YWHAB: variants seen among roughly 807,000 people sequenced by gnomAD.
The protein encoded by YWHAB is 14-3-3 protein beta/alpha.
Under a neutral mutation model 28.5 loss-of-function variants are expected in YWHAB, and 2 were observed. That is an observed-to-expected ratio of 0.07 (90% confidence interval 0.03 to 0.22). The LOEUF (loss-of-function observed/expected upper bound fraction) is 0.22. YWHAB is among the 10% of genes least tolerant of loss of function. The probability of loss-of-function intolerance (pLI) is 1.00; values close to 1 mark genes in which losing one functional copy is unlikely to be tolerated. For missense variants in YWHAB, 148 were observed against 297.1 expected (o/e 0.50, Z 3.69); for synonymous variants, 103 against 104.7 (o/e 0.98, Z 0.10).
chr20:44,892,431 T>A (rs903092106), intron 1 of YWHAB, among the ~76,000 whole-genome samples: 2 of 152,128 alleles, frequency 1.3e-5, no homozygotes, highest in South Asian at 2.1e-4. Flanking sequence ...TTTTTTTTTT[T>A]AATTGATGTG....
At chr20:44,887,171 G>A (rs2066533550) in intron 1 of YWHAB, 1 of 152,210 alleles carries the variant, frequency 6.6e-6, no homozygotes, top group African/African-American at 2.4e-5. Flanking sequence ...CTTACTTAGG[G>A]ATATCTCATT....
chr20:44,901,575 C>T lies in YWHAB; in HGVS notation c.42C>T (p.Leu14=), dbSNP rs148717452. 6.1e-4 allele frequency: 979 copies of T among 1,608,702 alleles called. 6 individuals carry two copies. The African/African-American group carries it at 0.011, about 18-fold the overall frequency. ...GTGAGCTGGTACAGAAAGCCAAACT[C>T]GCTGAGCAGGCTGAGCGATATGATG... is the stretch of plus-strand genomic sequence containing the variant. ...DKSELVQKAK[L]AEQAERYDDM... is the part of the protein sequence containing the mutation. The change falls in exon 2 of 6, where the codon CTC becomes CTT. Residue 14 remains leucine (L), a synonymous_variant. Transcript: ENST00000353703.
chr20:44,905,670 A>G (rs1343894677), intron 4 of YWHAB: 1 of 189,862 alleles, frequency 5.3e-6, no homozygotes, highest in Non-Finnish European at 1.1e-5. Context: ...TAAATAAATA[A>G]TTTTAAATAG....
intron 1 of YWHAB, among the ~76,000 whole-genome samples, chr20:44,897,914 A>G (rs892288976): frequency 2.0e-5 from 3 of 152,146 alleles, no homozygotes; most frequent in Non-Finnish European, 2.9e-5. Context: ...CTTGCACTAT[A>G]CAGTCACCCG....
chr20:44,889,446 A>G (rs2066547381), intron 1 of YWHAB, among the ~76,000 whole-genome samples: 1 of 150,064 alleles, frequency 6.7e-6, no homozygotes, highest in South Asian at 2.1e-4. Flanking sequence ...TTCCTAGCAG[A>G]TTGTAGGTTA....
chr20:44,894,759 G>C (rs1299483300), intron 1 of YWHAB, among the ~76,000 whole-genome samples: 1 of 152,172 alleles, frequency 6.6e-6, no homozygotes, highest in African/African-American at 2.4e-5. Flanking sequence ...ACTCTACTGA[G>C]GTAGATGCCA....
At chr20:44,891,862 A>G (rs2066564329) in intron 1 of YWHAB, among the ~76,000 whole-genome samples, 1 of 152,250 alleles carries the variant, frequency 6.6e-6, no homozygotes, top group South Asian at 2.1e-4. Context: ...CCTAACAAAG[A>G]ACCTGCAAAT....
intron 1 of YWHAB, among the ~76,000 whole-genome samples, chr20:44,891,948 G>A (rs1487968971): frequency 1.3e-5 from 2 of 152,194 alleles, no homozygotes; most frequent in African/African-American, 2.4e-5. Context: ...TTTATAGTGG[G>A]TGTTTTTTAG....
intron 5 of YWHAB, 117 bp from the exon 6 acceptor site, chr20:44,906,265 T>C (rs1338496018): frequency 8.8e-5 from 107 of 1,218,592 alleles, no homozygotes; most frequent in South Asian, 1.3e-5. Context: ...CATCCCTGTC[T>C]GCAGTGACAC....
intron 1 of YWHAB, among the ~76,000 whole-genome samples, chr20:44,889,402 T>A (rs1453120449): frequency 2.6e-5 from 4 of 152,178 alleles, no homozygotes; most frequent in Non-Finnish European, 5.9e-5. Flanking sequence ...CTGATACTTG[T>A]AATGAGATGT....
In YWHAB at chr20:44,905,068, T is replaced by C; in HGVS notation, c.525T>C (p.Asn175=). 6.2e-7 allele frequency: 1 copy of C among 1,613,502 alleles called. No homozygotes were observed. Among genetic ancestry groups the C allele is most frequent in the Non-Finnish European group, 8.5e-7 (1 of 1,179,638 alleles). The change falls in exon 4 of 6, where the codon AAT becomes AAC. Residue 175 remains asparagine, a synonymous_variant. Transcript: ENST00000353703. The stretch of plus-strand genomic sequence containing the variant: ...CAATTCGTCTTGGTCTGGCACTAAA[T>C]TTCTCAGTCTTTTACTATGAGATTC... ...THPIRLGLAL[N]FSVFYYEILN...
Position 44,906,570 on chromosome 20 carries a change from A to G in YWHAB, c.*132A>G. On this transcript the variant is annotated 3_prime_UTR_variant, in exon 6 of 6. Transcript: ENST00000353703. The stretch of plus-strand genomic sequence containing the variant: ...TTTCGATTTTTCACAGCCTCAGCCT[A>G]GGAAAAATGGTTCATGGGATAAACA... 1.3e-6 allele frequency: 1 copy of G among 747,418 alleles called. No homozygotes were observed. Among genetic ancestry groups the G allele is most frequent in the Non-Finnish European group, 2.0e-6 (1 of 496,644 alleles). 46.3% of individuals were successfully genotyped at this position (747,418 alleles called of 1,614,324 possible).
At chr20:44,898,708 G>A (rs545825015) in intron 1 of YWHAB, among the ~76,000 whole-genome samples, 10 of 151,938 alleles carry the variant, frequency 6.6e-5, no homozygotes, top group South Asian at 2.1e-4. Flanking sequence ...GGGTTTCACC[G>A]TGTTAGCCAG....
intron 1 of YWHAB, among the ~76,000 whole-genome samples, chr20:44,901,287 T>C (rs1355297705): frequency 6.6e-6 from 1 of 152,188 alleles, no homozygotes; most frequent in Non-Finnish European, 1.5e-5. Context: ...AAAGTTGTTG[T>C]TATGAACATA....
At chr20:44,889,108 G>C (rs139570230) in intron 1 of YWHAB, among the ~76,000 whole-genome samples, 155 of 152,268 alleles carry the variant, frequency 1.0e-3, no homozygotes, top group African/African-American at 3.1e-3. Context: ...AGGGAAAGAT[G>C]ACAATTCACT....
intron 1 of YWHAB, among the ~76,000 whole-genome samples, chr20:44,900,053 C>CT (rs535547647): frequency 0.044 from 6,462 of 145,428 alleles, 435 homozygotes; most frequent in African/African-American, 0.15. Context: ...AGTGTTCTTT[C>CT]TTTTTTTTTT....
intron 1 of YWHAB, among the ~76,000 whole-genome samples, chr20:44,891,650 ATG>A (rs2066562842): frequency 1.4e-5 from 1 of 71,780 alleles, no homozygotes; most frequent in African/African-American, 8.3e-5. Flanking sequence ...ATTAAGTCAC[ATG>A]TGTAACCTTG....
At position 44,889,153 on chromosome 20, in the gene YWHAB, C is replaced by T. The variant is rs772112204; in HGVS notation, c.-4+3267C>T. Among the ~76,000 whole-genome samples, 141 of 152,260 alleles carry T rather than the reference C, an allele frequency of 9.3e-4. 4 individuals are homozygous for T. Among genetic ancestry groups the T allele is most frequent in the Admixed American group, 4.6e-4 (7 of 15,294 alleles). On this transcript the variant is annotated intron_variant, in intron 1 of 5. Transcript: ENST00000353703. ...GCAAGAAATTATGGTTACATAATAG[C>T]AACCTTTAAGCTTTAGAATCCTTTT... is the stretch of plus-strand genomic sequence containing the variant.
chr20:44,886,723 G>A (rs1032873608), intron 1 of YWHAB: 3 of 152,258 alleles, frequency 2.0e-5, no homozygotes, highest in Non-Finnish European at 4.4e-5. Flanking sequence ...GAGGGAAGAA[G>A]AGGTGGGAAG....
Sources: allele counts gnomAD v4.1 joint callset (sites outside exome capture counted in the v4.1 genomes callset), GRCh38; gene constraint gnomAD v4.1.1; transcripts MANE v1.5; gene names NCBI Gene and HGNC (gene_info 2026-07-23, HGNC 2026-07-21).